SMYD3: variants seen among roughly 807,000 people sequenced by gnomAD.
SMYD3 encodes histone-lysine N-methyltransferase SMYD3.
In SMYD3, 36 loss-of-function variants were observed where a neutral mutation model predicts 57.7. The ratio of observed to expected loss-of-function variants is 0.62; its 90% confidence interval spans 0.48 to 0.82. The LOEUF (loss-of-function observed/expected upper bound fraction) is 0.82. Ranked by LOEUF, SMYD3 falls within the 40% of genes least tolerant of loss-of-function variation. The probability of loss-of-function intolerance (pLI) is 0.00; values close to 1 mark genes in which losing one functional copy is unlikely to be tolerated. For synonymous variants in SMYD3, 211 were observed against 195.0 expected, an observed-to-expected ratio of 1.08 and a Z score of -0.68; for missense variants, 515 against 538.8, an observed-to-expected ratio of 0.96 and a Z score of 0.44.
intron 5 of SMYD3, among the ~76,000 whole-genome samples, chr1:246,134,777 AATTG>A (rs1467806503): frequency 6.8e-6 from 1 of 147,134 alleles, no homozygotes; most frequent in Non-Finnish European, 1.5e-5. Flanking sequence ...ATGCAACTGA[AATTG>A]ATTGACCACA....
intron 10 of SMYD3, among the ~76,000 whole-genome samples, chr1:245,783,716 C>A (rs1049572564): frequency 6.6e-6 from 1 of 152,080 alleles, no homozygotes; most frequent in Non-Finnish European, 1.5e-5. Flanking sequence ...ACTCAACCCA[C>A]GTAAATTAAT....
intron 2 of SMYD3, among the ~76,000 whole-genome samples, chr1:246,336,817 A>G (rs1201219425): frequency 6.6e-6 from 1 of 152,234 alleles, no homozygotes; most frequent in Non-Finnish European, 1.5e-5. Flanking sequence ...TAAACATGAG[A>G]GCTGAATAAT....
At chr1:246,259,190 A>G (rs1210473889) in intron 5 of SMYD3, among the ~76,000 whole-genome samples, 2 of 152,068 alleles carry the variant, frequency 1.3e-5, no homozygotes, top group Non-Finnish European at 2.9e-5. Context: ...CATGCTTTGA[A>G]TTACTTATCT....
chr1:246,030,962 G>A (rs12036854), intron 5 of SMYD3, among the ~76,000 whole-genome samples: 22,581 of 152,060 alleles, frequency 0.15, 1,954 homozygotes, highest in East Asian at 0.43. Context: ...TAGTGGGGGT[G>A]CACAAGCATG....
intron 5 of SMYD3, among the ~76,000 whole-genome samples, chr1:246,136,828 G>T (rs1210518663): frequency 2.0e-5 from 3 of 152,210 alleles, no homozygotes; most frequent in Non-Finnish European, 2.9e-5. Context: ...TAATGAGTCT[G>T]AATTCATCCA....
intron 1 of SMYD3, among the ~76,000 whole-genome samples, chr1:246,390,785 C>A (rs2066548438): frequency 6.6e-6 from 1 of 152,148 alleles, no homozygotes; most frequent in East Asian, 1.9e-4. Flanking sequence ...AGACTAGCCA[C>A]ATTTCAAGTG....
chr1:245,913,549 A>C (rs1258017471), intron 8 of SMYD3, among the ~76,000 whole-genome samples: 1 of 152,142 alleles, frequency 6.6e-6, no homozygotes, highest in East Asian at 1.9e-4. Context: ...GAAACACTTC[A>C]GAACATTGGT....
chr1:245,770,232 C>G (rs1404805504), intron 10 of SMYD3, among the ~76,000 whole-genome samples: 1 of 151,990 alleles, frequency 6.6e-6, no homozygotes, highest in Non-Finnish European at 1.5e-5. Flanking sequence ...GAAGGTGAAC[C>G]TTGTATTCAT....
intron 5 of SMYD3, among the ~76,000 whole-genome samples, chr1:246,160,092 T>C (rs980601864): frequency 5.9e-5 from 9 of 152,216 alleles, no homozygotes; most frequent in Non-Finnish European, 1.0e-4. Context: ...CCTAAATTCA[T>C]GCCTGTAACC....
chr1:246,198,067 T>C (rs1432628642), intron 5 of SMYD3, among the ~76,000 whole-genome samples: 1 of 152,184 alleles, frequency 6.6e-6, no homozygotes, highest in East Asian at 1.9e-4. Flanking sequence ...GTACACAGTA[T>C]ATAGCTAACA....
chr1:246,253,497 A>T (rs1339068726), intron 5 of SMYD3, among the ~76,000 whole-genome samples: 1 of 152,154 alleles, frequency 6.6e-6, no homozygotes, highest in Non-Finnish European at 1.5e-5. Flanking sequence ...TATGTACCAC[A>T]TTTTCTTCAT....
intron 10 of SMYD3, among the ~76,000 whole-genome samples, chr1:245,847,950 G>T (rs979992664): frequency 1.3e-5 from 2 of 152,136 alleles, no homozygotes; most frequent in Non-Finnish European, 2.9e-5. Context: ...TTCCTGTTCA[G>T]GTGACCTAGC....
At chr1:245,777,551 G>T (rs1249514456) in intron 10 of SMYD3, among the ~76,000 whole-genome samples, 1 of 152,058 alleles carries the variant, frequency 6.6e-6, no homozygotes, top group Non-Finnish European at 1.5e-5. Flanking sequence ...CTGGATAACT[G>T]GGAAATTGCA....
chr1:246,219,676 G>A (rs1482984042), intron 5 of SMYD3, among the ~76,000 whole-genome samples: 4 of 152,154 alleles, frequency 2.6e-5, no homozygotes, highest in African/African-American at 9.7e-5. Flanking sequence ...CGTCTGCAGA[G>A]AGCAGAGCTA....
chr1:245,783,711 A>T (rs1490911574), intron 10 of SMYD3, among the ~76,000 whole-genome samples: 1 of 152,220 alleles, frequency 6.6e-6, no homozygotes, highest in Non-Finnish European at 1.5e-5. Flanking sequence ...GACAAACTCA[A>T]CCCACGTAAA....
chr1:246,454,272 C>T, intron 1 of SMYD3, among the ~76,000 whole-genome samples: 1 of 152,112 alleles, frequency 6.6e-6, no homozygotes. Context: ...GTCAAGCAAC[C>T]AGGCAACCAT....
intron 7 of SMYD3, among the ~76,000 whole-genome samples, chr1:245,916,422 G>C (rs1359684106): frequency 6.6e-6 from 1 of 152,136 alleles, no homozygotes; most frequent in Non-Finnish European, 1.5e-5. Flanking sequence ...TCTTATGAAA[G>C]TCTAATTCAA....
rs573908909 is a variant in SMYD3 at position 246,485,514 on chromosome 1, G to A, written c.164+21540C>T. Among the ~76,000 whole-genome samples, 10 of 152,266 alleles carry A rather than the reference G, an allele frequency of 6.6e-5. No homozygotes were observed. In the South Asian group the frequency reaches 1.9e-3, roughly 28 times the overall value. ...AATAAAGATCTAGCCAGATGCGGCG[G>A]CTCACACTTATAATTCCAACACTTT... is the stretch of plus-strand genomic sequence containing the variant. On this transcript the variant is annotated intron_variant, in intron 1 of 11. Transcript: ENST00000490107.
At chr1:246,201,750 C>T (rs1291938018) in intron 5 of SMYD3, among the ~76,000 whole-genome samples, 4 of 152,162 alleles carry the variant, frequency 2.6e-5, no homozygotes, top group East Asian at 1.9e-4. Context: ...CGGTGGCTCA[C>T]GCCAGTAATC....
Sources: allele counts gnomAD v4.1 joint callset (sites outside exome capture counted in the v4.1 genomes callset), GRCh38; gene constraint gnomAD v4.1.1; transcripts MANE v1.5; gene names NCBI Gene and HGNC (gene_info 2026-07-23, HGNC 2026-07-21).